Variants in ADCY4 observed in about 807,000 individuals in gnomAD.
ADCY4 encodes adenylate cyclase type 4.
ADCY4 carries 111 observed loss-of-function variants against 125.5 expected under a neutral mutation model. The ratio of observed to expected loss-of-function variants is 0.88; its 90% confidence interval spans 0.76 to 1.04. The LOEUF (loss-of-function observed/expected upper bound fraction) is 1.04, where lower values mean the gene tolerates loss of function less well. ADCY4 is among the 50% of genes least tolerant of loss of function. The pLI is 0.00. For missense variants in ADCY4, 1,256 were observed against 1,382.9 expected, an observed-to-expected ratio of 0.91 and a Z score of 1.46; for synonymous variants, 576 against 586.9, an observed-to-expected ratio of 0.98 and a Z score of 0.27.
At chr14:24,324,422 T>G (rs1326864711) in intron 14 of ADCY4, 31 bp from the exon 15 acceptor site, 2 of 1,585,714 alleles carry the variant, frequency 1.3e-6, no homozygotes. Flanking sequence ...GGCCTTGAAG[T>G]GCCAGAACAG....
At chr14:24,318,801 C>T in intron 23 of ADCY4, 23 bp from the exon 24 acceptor site, 1 of 1,613,676 alleles carries the variant, frequency 6.2e-7, no homozygotes, top group Non-Finnish European at 8.5e-7. Flanking sequence ...GTGGTAATGA[C>T]AGACTTGGAG....
In ADCY4 at chr14:24,323,432, T is replaced by C; in HGVS notation, c.2069A>G (p.Asp690Gly). ...CACATTGGGAGCTTGGAAAGGGCAG[T>C]CTGATGATGTTGGGAAGAAGAACTG... ...TSLFFFPTSS[D>G]CPFQAPNVSS... is the part of the protein sequence containing the mutation. Residue 690 changes from aspartate (D) to glycine (G), a missense_variant, in exon 17 of 25, where the codon GAC becomes GGC. Physicochemically the swap from Asp to Gly is moderately conservative, Grantham distance 94. Coordinates refer to ENST00000418030, the MANE Select transcript of ADCY4 (RefSeq NM_001198568.2). 1 of 1,554,232 alleles carries C rather than the reference T, an allele frequency of 6.4e-7. No homozygotes were observed.
rs2041872531 is a variant in ADCY4, at chr14:24,322,718, C to T, written c.2343-10G>A. On this transcript the variant is annotated splice_polypyrimidine_tract_variant and intron_variant, in intron 18 of 24. Transcript: ENST00000418030. ...CTTCAGCACTCCGGGCCTGAAGGGG[C>T]CATGGATCAGGGTGACCCCTTGCTT... is the stretch of plus-strand genomic sequence containing the variant. 1.2e-6 allele frequency: 2 copies of T among 1,613,162 alleles called. No homozygotes were observed. The highest frequency in any genetic ancestry group is 1.3e-5 in the African/African-American group (1 of 74,900).
chr14:24,318,776 A>C lies in ADCY4; in HGVS notation c.2959T>G (p.Leu987Val), dbSNP rs748700723. The change falls in exon 24 of 25, where the codon TTG (leucine) becomes GTG (valine). Residue 987 changes from leucine (L) to valine (V), a missense_variant and splice_region_variant. Transcript: ENST00000418030. ...SFNNFRLRVG[L>V]NHGPVVAGVI... is the part of the protein sequence containing the mutation. Reference sequence around the variant, plus strand: ...CCAGCTACTACGGGTCCATGGTTCAACCCTAATGAGGGATGTGGTAATGAC... The same window carrying C: ...CCAGCTACTACGGGTCCATGGTTCACCCCTAATGAGGGATGTGGTAATGAC... 3 of 1,614,086 alleles carry C rather than the reference A, an allele frequency of 1.9e-6. No homozygotes were observed. The highest frequency in any genetic ancestry group is 2.7e-5 in the African/African-American group (2 of 75,000).
intron 10 of ADCY4, among the ~76,000 whole-genome samples, chr14:24,327,679 G>C (rs1440713224): frequency 6.6e-6 from 1 of 152,188 alleles, no homozygotes; most frequent in Non-Finnish European, 1.5e-5. Flanking sequence ...GACATTTCCT[G>C]GTGCTATGGG....
At position 24,334,482 on chromosome 14, in the gene ADCY4, G is replaced by GC. The variant is rs2042101486; in HGVS notation, c.159+11_159+12insG. 4 of 1,574,398 alleles carry GC rather than the reference G, an allele frequency of 2.5e-6. No individual in the cohort carries two copies. Among genetic ancestry groups the GC allele is most frequent in the Non-Finnish European group, 3.4e-6 (4 of 1,166,798 alleles). On this transcript the variant is annotated intron_variant, in intron 1 of 24. Coordinates refer to ENST00000418030, the MANE Select transcript of ADCY4 (RefSeq NM_001198568.2). ...CAGGTAGAGACCCTCCCGCAGCAGA[G>GC]GCTCGGCTCACCCTGCCGCTGGCCC...
chr14:24,330,124 C>A lies in ADCY4; in HGVS notation c.1058+44G>T, dbSNP rs568019446. 4.4e-6 allele frequency: 7 copies of A among 1,602,484 alleles called. No homozygotes were observed. The East Asian group carries it at 9.0e-5, about 21-fold the overall frequency. On this transcript the variant is annotated intron_variant, in intron 7 of 24. Transcript: ENST00000418030. ...CTTCTGTCAGCTGCCTGCTGCCCCC[C>A]ACATCCACCCTCAGCATTCCTCTTG...
At chr14:24,320,389 A>G (rs2041833551) in intron 20 of ADCY4, among the ~76,000 whole-genome samples, 1 of 152,246 alleles carries the variant, frequency 6.6e-6, no homozygotes, top group African/African-American at 2.4e-5. Flanking sequence ...AATGAGTGCC[A>G]TGAAATCCTA....
Position 24,332,118 on chromosome 14 carries a change from T to G in ADCY4, c.520-181A>C, listed in dbSNP as rs2042050660. 4.1e-6 allele frequency: 3 copies of G among 725,706 alleles called. No individual in the cohort carries two copies. The East Asian group carries it at 9.8e-5, about 24-fold the overall frequency. 45.0% of individuals were successfully genotyped at this position (725,706 alleles called of 1,614,324 possible). On this transcript the variant is annotated intron_variant, in intron 3 of 24. Coordinates refer to ENST00000418030, the MANE Select transcript of ADCY4 (RefSeq NM_001198568.2). ...GACGTTTCCCTTCCCAGATGCTCCC[T>G]CCTCCAGACTCTCGGCTGCTTCACC...
At chr14:24,324,969 G>T (rs1045685092) in intron 14 of ADCY4, among the ~76,000 whole-genome samples, 19 of 152,096 alleles carry the variant, frequency 1.2e-4, no homozygotes, top group African/African-American at 4.6e-4. Flanking sequence ...CTCCCAGAGT[G>T]CTGGGATTAC....
At chr14:24,325,313 G>T (rs941055667) in intron 14 of ADCY4, 64 bp downstream of exon 14, 2 of 1,375,988 alleles carry the variant, frequency 1.5e-6, no homozygotes, top group African/African-American at 1.4e-5. Flanking sequence ...TGTGGCCCGG[G>T]GTCATGAGGG....
chr14:24,332,421 G>T, intron 3 of ADCY4, 101 bp downstream of exon 3: 2 of 1,336,602 alleles, frequency 1.5e-6, no homozygotes, highest in Non-Finnish European at 2.0e-6. Flanking sequence ...GCCCAGCGTT[G>T]CACCTTGACT....
Position 24,329,941 on chromosome 14 carries a change from A to G in ADCY4, c.1136T>C (p.Ile379Thr). The change falls in exon 8 of 25, where the codon ATC becomes ACC. Residue 379 changes from isoleucine to threonine, a missense_variant. Coordinates refer to ENST00000418030, the MANE Select transcript of ADCY4 (RefSeq NM_001198568.2). ...GTCGTACTGCCACTTCTGCAGCCCG[A>G]TGACTCCACACAGTACGCTGCCTGA... is the stretch of plus-strand genomic sequence containing the variant. ...VHSGSVLCGV[I>T]GLQKWQYDVW... is the part of the protein sequence containing the mutation. 1 of 1,614,058 alleles carries G rather than the reference A, an allele frequency of 6.2e-7. No individual in the cohort carries two copies. The highest frequency in any genetic ancestry group is 8.5e-7 in the Non-Finnish European group (1 of 1,179,992).
chr14:24,331,729 T>C (rs1439395468), intron 4 of ADCY4, 59 bp downstream of exon 4: 7 of 1,465,910 alleles, frequency 4.8e-6, no homozygotes, highest in African/African-American at 1.4e-5. Context: ...AGCCCCGTTA[T>C]GTAATCTAAG....
At position 24,332,822 on chromosome 14, in the gene ADCY4, A is replaced by T; in HGVS notation, c.326T>A (p.Phe109Tyr). 2 of 1,576,576 alleles carry T rather than the reference A, an allele frequency of 1.3e-6. No individual in the cohort carries two copies. The highest frequency in any genetic ancestry group is 1.7e-6 in the Non-Finnish European group (2 of 1,158,564). Residue 109 changes from phenylalanine (F) to tyrosine (Y), a missense_variant, in exon 2 of 25, where the codon TTC becomes TAC. Transcript: ENST00000418030. ...CCAGGCGCTCACCACGCCCCCGGTG[A>T]ACAGGAAGGCGTGGCCTAGCGCTAG... ...ALLALGHAFL[F>Y]TGGVVSAWDQ...
chr14:24,334,396 C>A, intron 1 of ADCY4, 98 bp downstream of exon 1: 2 of 1,450,112 alleles, frequency 1.4e-6, no homozygotes, highest in Non-Finnish European at 1.8e-6. Context: ...TTTCTCTGCT[C>A]CCAGCAACGA....
At position 24,318,551 on chromosome 14, in the gene ADCY4, T is replaced by G; in HGVS notation, c.3099A>C (p.Ala1033=). ...LGKIQVTEET[A]WALQSLGYTC... Reference sequence around the variant, plus strand: ...TGTAGCCCAGGGACTGTAGGGCCCATGCTGTCTCCTCAGTCACCTACAATT... The same window carrying G: ...TGTAGCCCAGGGACTGTAGGGCCCAGGCTGTCTCCTCAGTCACCTACAATT... The change falls in exon 25 of 25, where the codon GCA becomes GCC. Residue 1033 remains alanine, a synonymous_variant. Transcript: ENST00000418030. The G allele has an allele frequency of 6.2e-7, 1 of 1,614,134 alleles. No homozygotes were observed. The highest frequency in any genetic ancestry group is 8.5e-7 in the Non-Finnish European group (1 of 1,180,004).
rs753714438 is a variant in ADCY4 at position 24,332,521 on chromosome 14, C to A, written c.519+1G>T. 1 of 1,562,756 alleles carries A rather than the reference C, an allele frequency of 6.4e-7. No homozygotes were observed. Among genetic ancestry groups the A allele is most frequent in the Non-Finnish European group, 8.7e-7 (1 of 1,153,642 alleles). On this transcript the variant is annotated splice_donor_variant, in intron 3 of 24. Transcript: ENST00000418030. LOFTEE classifies it high-confidence loss of function. ...GCAGCCTGTGCTACTTGCGTGCTCA[C>A]CTGCGGCAGCAGTGCAGGCCGTGAG...
intron 23 of ADCY4, 102 bp downstream of exon 23, chr14:24,318,996 G>T: frequency 3.4e-6 from 5 of 1,476,972 alleles, no homozygotes; most frequent in Middle Eastern, 3.5e-4. Flanking sequence ...TCAGGAAAGG[G>T]GCTTCAGGAT....
Sources: allele counts gnomAD v4.1 joint callset (sites outside exome capture counted in the v4.1 genomes callset), GRCh38; gene constraint gnomAD v4.1.1; transcripts MANE v1.5; gene names NCBI Gene and HGNC (gene_info 2026-07-23, HGNC 2026-07-21).